HDAC4: variants seen among roughly 807,000 people sequenced by gnomAD.
HDAC4 encodes histone deacetylase 4.
Under a neutral mutation model 135.1 loss-of-function variants are expected in HDAC4, and 16 were observed. That is an observed-to-expected ratio of 0.12 (90% CI 0.08 to 0.18). The LOEUF (loss-of-function observed/expected upper bound fraction) is 0.18. Ranked by LOEUF, HDAC4 falls within the 10% of genes least tolerant of loss-of-function variation. HDAC4 has a pLI of 1.00. For missense variants in HDAC4, 1,143 were observed against 1,511.8 expected, an observed-to-expected ratio of 0.76 and a Z score of 4.05; for synonymous variants, 685 against 653.4, an observed-to-expected ratio of 1.05 and a Z score of -0.74.
chr2:239,176,643 C>G (rs959521680), intron 4 of HDAC4, 80 bp from the exon 5 acceptor site: 4 of 1,357,506 alleles, frequency 2.9e-6, no homozygotes, highest in African/African-American at 1.4e-5. Flanking sequence ...CCCAAGAAAC[C>G]AGCCCAGGCC....
At chr2:239,084,109 G>A (rs2035625629) in intron 20 of HDAC4, 46 bp downstream of exon 20, 1 of 1,412,832 alleles carries the variant, frequency 7.1e-7, no homozygotes, top group Non-Finnish European at 1.0e-6. Context: ...CTCGGGGACG[G>A]CAAAGGAGCA....
chr2:239,295,415 C>T (rs535869216), intron 2 of HDAC4, among the ~76,000 whole-genome samples: 5 of 150,660 alleles, frequency 3.3e-5, no homozygotes, highest in South Asian at 2.1e-4. Context: ...TAAAAACCAA[C>T]GAGAATGAGA....
chr2:239,329,940 G>A (rs1048495008), intron 2 of HDAC4, among the ~76,000 whole-genome samples: 5 of 152,102 alleles, frequency 3.3e-5, no homozygotes, highest in South Asian at 4.2e-4. Context: ...TCCCCCAGCC[G>A]GAGCAGGAAT....
chr2:239,054,660 G>C, intron 25 of HDAC4, 89 bp downstream of exon 25: 2 of 855,728 alleles, frequency 2.3e-6, no homozygotes, highest in South Asian at 2.6e-5. Context: ...ATGGAGAAGA[G>C]CTGGGGGTAT....
chr2:239,311,701 C>T (rs1006017315), intron 2 of HDAC4, among the ~76,000 whole-genome samples: 1 of 152,186 alleles, frequency 6.6e-6, no homozygotes, highest in Admixed American at 6.5e-5. Flanking sequence ...TTCTGTTCTA[C>T]GCAAACATTA....
chr2:239,372,691 T>C (rs1427024330), intron 1 of HDAC4, among the ~76,000 whole-genome samples: 2 of 152,242 alleles, frequency 1.3e-5, no homozygotes, highest in Admixed American at 6.5e-5. Context: ...CACTGCTTCA[T>C]GTTCAGAGCA....
chr2:239,337,211 G>A (rs1294032456), intron 2 of HDAC4, among the ~76,000 whole-genome samples: 1 of 152,210 alleles, frequency 6.6e-6, no homozygotes, highest in Non-Finnish European at 1.5e-5. Context: ...ACGGCTCCAA[G>A]GGAGGGAGTG....
At chr2:239,375,760 G>A (rs570310710) in intron 1 of HDAC4, among the ~76,000 whole-genome samples, 21 of 152,320 alleles carry the variant, frequency 1.4e-4, no homozygotes, top group African/African-American at 4.6e-4. Flanking sequence ...TGCTCTGGAC[G>A]GGCGTTTCCT....
At chr2:239,239,941 G>A (rs895291970) in intron 2 of HDAC4, among the ~76,000 whole-genome samples, 2 of 152,260 alleles carry the variant, frequency 1.3e-5, no homozygotes, top group South Asian at 4.1e-4. Context: ...AACCCCACAT[G>A]TGGAGGCCCC....
chr2:239,190,138 G>A (rs2044823624), intron 3 of HDAC4, 61 bp from the exon 4 acceptor site: 1 of 1,521,200 alleles, frequency 6.6e-7, no homozygotes, highest in Admixed American at 1.8e-5. Flanking sequence ...CTGGGCCCCA[G>A]AGCCCCCACC....
Position 239,210,055 on chromosome 2 carries a change from C to T in HDAC4, c.95-19978G>A, listed in dbSNP as rs559308793. 1.9e-3 allele frequency among the ~76,000 whole-genome samples: 287 copies of T among 152,212 alleles called. 1 individual carries two copies. The highest frequency in any genetic ancestry group is 4.7e-3 in the African/African-American group (196 of 41,524). The stretch of plus-strand genomic sequence containing the variant: ...AACAGTGGGCTTTCTCATAGACAGC[C>T]GAATCTCGCTTTCGTGACCCAGCAA... On this transcript the variant is annotated intron_variant, in intron 3 of 26. Coordinates refer to ENST00000543185, the MANE Select transcript of HDAC4 (RefSeq NM_001378414.1).
At chr2:239,212,643 C>T (rs2046405781) in intron 3 of HDAC4, among the ~76,000 whole-genome samples, 1 of 152,196 alleles carries the variant, frequency 6.6e-6, no homozygotes, top group Admixed American at 6.5e-5. Context: ...TGCTATCAGG[C>T]TGAGGGCAGG....
Position 239,050,864 on chromosome 2 carries a change from G to GCAAT in HDAC4, c.*2229_*2232dup, listed in dbSNP as rs1453568072. On this transcript the variant is annotated 3_prime_UTR_variant, in exon 27 of 27. Transcript: ENST00000543185. Reference sequence around the variant, plus strand: ...AGTAAAGACTGGCTGTCCTGGTCAGGCAATCATACCCTCCCTGCAGGTTCA... The same window carrying GCAAT: ...AGTAAAGACTGGCTGTCCTGGTCAGGCAATCAATCATACCCTCCCTGCAGGTTCA... The GCAAT allele has an allele frequency of 1.3e-5, 2 of 152,564 alleles. No individual in the cohort carries two copies. Among genetic ancestry groups the GCAAT allele is most frequent in the East Asian group, 1.9e-4 (1 of 5,190 alleles). 9.5% of individuals were successfully genotyped at this position (152,564 alleles called of 1,614,324 possible).
At chr2:239,246,617 G>A (rs969655817) in intron 2 of HDAC4, among the ~76,000 whole-genome samples, 19 of 152,234 alleles carry the variant, frequency 1.2e-4, no homozygotes, top group Non-Finnish European at 2.9e-5. Context: ...TCTAAGGGCC[G>A]GAGAACAGCG....
intron 1 of HDAC4, among the ~76,000 whole-genome samples, chr2:239,382,966 G>A (rs1315780209): frequency 1.3e-5 from 2 of 152,204 alleles, no homozygotes; most frequent in Non-Finnish European, 2.9e-5. Context: ...CTGACCTCAG[G>A]TGATCCACCC....
At chr2:239,247,619 A>G (rs192197468) in intron 2 of HDAC4, among the ~76,000 whole-genome samples, 2 of 152,354 alleles carry the variant, frequency 1.3e-5, no homozygotes, top group East Asian at 3.9e-4. Flanking sequence ...TTCTCCCAGA[A>G]TATTTTCCAC....
intron 1 of HDAC4, among the ~76,000 whole-genome samples, chr2:239,374,522 G>C (rs1453587589): frequency 7.0e-6 from 1 of 143,186 alleles, no homozygotes; most frequent in East Asian, 2.0e-4. Context: ...TCCTGCCTCA[G>C]CCTCCCAAGT....
Position 239,308,330 on chromosome 2 carries a change from G to A in HDAC4, c.22+44348C>T, listed in dbSNP as rs2052708850. 1.3e-5 allele frequency among the ~76,000 whole-genome samples: 2 copies of A among 152,282 alleles called. No individual in the cohort carries two copies. The highest frequency in any genetic ancestry group is 4.1e-4 in the South Asian group (2 of 4,826). ...GGCCCCCTGGTGACACGGGACAAGAGGATAACCTGCTTGGTACTCAGCAAC... is the reference window on the plus strand; with the variant it reads ...GGCCCCCTGGTGACACGGGACAAGAAGATAACCTGCTTGGTACTCAGCAAC... On this transcript the variant is annotated intron_variant, in intron 2 of 26. Coordinates refer to ENST00000543185, the MANE Select transcript of HDAC4 (RefSeq NM_001378414.1). The surrounding 1 kb of genome is among the most constrained non-coding windows in gnomAD (Gnocchi z 4.2).
chr2:239,131,782 C>G (rs576228198), intron 11 of HDAC4, among the ~76,000 whole-genome samples: 1 of 152,206 alleles, frequency 6.6e-6, no homozygotes, highest in African/African-American at 2.4e-5. Flanking sequence ...AGCCGTGGGC[C>G]GTGCACTGGA....
Sources: allele counts gnomAD v4.1 joint callset (sites outside exome capture counted in the v4.1 genomes callset), GRCh38; gene constraint gnomAD v4.1.1; non-coding constraint Gnocchi (gnomAD v3.1); transcripts MANE v1.5; gene names NCBI Gene and HGNC (gene_info 2026-07-23, HGNC 2026-07-21).